The following GALNT2 variants were observed in gnomAD, a reference collection of about 807,000 sequenced individuals.
GALNT2 encodes the protein UDP-GalNAc:polypeptide N-acetylgalactosaminyltransferase 2.
Under a neutral mutation model 81.4 loss-of-function variants are expected in GALNT2, and 31 were observed. The ratio of observed to expected loss-of-function variants is 0.38; its 90% CI spans 0.29 to 0.51. The LOEUF (loss-of-function observed/expected upper bound fraction) is 0.51, where lower values mean the gene tolerates loss of function less well. Among genes scored for constraint, GALNT2 ranks in the 20% least tolerant of loss-of-function variants. The probability of loss-of-function intolerance (pLI) is 0.87; values close to 1 mark genes in which losing one functional copy is unlikely to be tolerated. For synonymous variants in GALNT2, 303 were observed against 287.4 expected (o/e 1.05, Z -0.55); for missense variants, 629 against 765.7 (o/e 0.82, Z 2.11).
At chr1:230,235,814 C>T (rs1264486371) in intron 3 of GALNT2, among the ~76,000 whole-genome samples, 200 bp from the exon 4 acceptor site, 5 of 152,158 alleles carry the variant, frequency 3.3e-5, no homozygotes, top group Admixed American at 2.0e-4. Context: ...TCTCTCAGAA[C>T]GTAACTCCGG....
intron 3 of GALNT2, among the ~76,000 whole-genome samples, chr1:230,224,706 AGT>A (rs1418012789): frequency 4.6e-5 from 7 of 152,102 alleles, no homozygotes; most frequent in Non-Finnish European, 1.0e-4. Context: ...GTGAGCGAAG[AGT>A]GTGTTTTTGG....
chr1:230,199,300 C>T (rs1341139902), intron 2 of GALNT2, among the ~76,000 whole-genome samples: 3 of 152,154 alleles, frequency 2.0e-5, no homozygotes, highest in African/African-American at 7.2e-5. Flanking sequence ...GGCTGGGACG[C>T]GTGTGCCCTC....
At chr1:230,096,246 G>A (rs114470886) in intron 1 of GALNT2, among the ~76,000 whole-genome samples, 5 of 152,322 alleles carry the variant, frequency 3.3e-5, no homozygotes, top group African/African-American at 9.6e-5. Flanking sequence ...CTTTTAAGAC[G>A]ATTCTAGTTA....
At chr1:230,065,061 G>A (rs1046014716), upstream of GALNT2, among the ~76,000 whole-genome samples, 8 of 151,958 alleles carry the variant, frequency 5.3e-5, no homozygotes, top group African/African-American at 1.5e-4. Flanking sequence ...TTATTTTCTG[G>A]GGTTATAGTT....
intron 7 of GALNT2, 73 bp from the exon 8 acceptor site, chr1:230,245,990 A>G: frequency 2.4e-6 from 3 of 1,259,746 alleles, no homozygotes; most frequent in Non-Finnish European, 2.3e-6. Flanking sequence ...GCCTAATACT[A>G]ATGCCTTCTG....
At chr1:230,167,968 C>CA (rs1299156701) in intron 1 of GALNT2, among the ~76,000 whole-genome samples, 3 of 152,112 alleles carry the variant, frequency 2.0e-5, no homozygotes, top group Non-Finnish European at 2.9e-5. Flanking sequence ...AATACCCCCC[C>CA]CTTTTTTTTG....
In GALNT2 at chr1:230,131,609, G is replaced by A. The variant is rs549996203; in HGVS notation, c.127-46609G>A. 1.5e-4 allele frequency among the ~76,000 whole-genome samples: 23 copies of A among 152,208 alleles called. No homozygotes were observed. In the South Asian group the frequency reaches 4.2e-3, roughly 28 times the overall value. On this transcript the variant is annotated intron_variant, in intron 1 of 15. Coordinates refer to ENST00000366672, the MANE Select transcript of GALNT2 (RefSeq NM_004481.5). ...CTTGGCACCCTGCAATTTAAACCTC[G>A]CACTGTCTCGCTGCTATCCTGATGT...
At chr1:230,222,611 G>C (rs1239780349) in intron 3 of GALNT2, among the ~76,000 whole-genome samples, 1 of 151,854 alleles carries the variant, frequency 6.6e-6, no homozygotes, top group African/African-American at 2.4e-5. Context: ...TTTAAACTTA[G>C]GTCATTGGAG....
chr1:230,084,045 G>T (rs533271714), intron 1 of GALNT2, among the ~76,000 whole-genome samples: 1 of 152,190 alleles, frequency 6.6e-6, no homozygotes, highest in Non-Finnish European at 1.5e-5. Context: ...CTCCCCCTTT[G>T]TATGTCACTT....
intron 2 of GALNT2, among the ~76,000 whole-genome samples, chr1:230,186,339 C>T (rs767962611): frequency 2.0e-5 from 3 of 152,134 alleles, no homozygotes; most frequent in Non-Finnish European, 2.9e-5. Flanking sequence ...TCTGACTGGA[C>T]GCATGCATGC....
At chr1:230,223,196 T>C (rs1558147740) in intron 3 of GALNT2, among the ~76,000 whole-genome samples, 1 of 151,282 alleles carries the variant, frequency 6.6e-6, no homozygotes, top group Non-Finnish European at 1.5e-5. Context: ...CTTTTCTTTT[T>C]TTTTTTTTTT....
At chr1:230,207,594 T>C (rs1049675947) in intron 3 of GALNT2, among the ~76,000 whole-genome samples, 2 of 150,162 alleles carry the variant, frequency 1.3e-5, no homozygotes, top group East Asian at 3.9e-4. Flanking sequence ...GCCCATCTTA[T>C]TTTTTTTTTC....
chr1:230,142,680 T>C (rs373182346), intron 1 of GALNT2, among the ~76,000 whole-genome samples: 1 of 151,652 alleles, frequency 6.6e-6, no homozygotes, highest in Non-Finnish European at 1.5e-5. Flanking sequence ...AAGTCTAAAG[T>C]GTAACTTTCC....
In GALNT2 at chr1:230,071,680, A is replaced by G. The variant is rs190997253; in HGVS notation, c.126+4274A>G. Among the ~76,000 whole-genome samples, 547 of 152,258 alleles carry G rather than the reference A, an allele frequency of 3.6e-3. 3 individuals carry two copies. Among genetic ancestry groups the G allele is most frequent in the African/African-American group, 0.012 (518 of 41,564 alleles). On this transcript the variant is annotated intron_variant, in intron 1 of 15. Transcript: ENST00000366672. ...ACACCCATACCACTCCTTGCCACCT[A>G]TCATCAGTTTGGAGTTTAAAGAAAG...
chr1:230,242,797 A>G (rs923230503), intron 6 of GALNT2, among the ~76,000 whole-genome samples: 2 of 152,222 alleles, frequency 1.3e-5, no homozygotes, highest in African/African-American at 2.4e-5. Flanking sequence ...AGTATAACTA[A>G]TTTTGTGTAA....
Position 230,179,120 on chromosome 1 carries a change from A to C in GALNT2, c.220+809A>C, listed in dbSNP as rs539219208. Among the ~76,000 whole-genome samples, 22 of 151,338 alleles carry C rather than the reference A, an allele frequency of 1.5e-4. No homozygotes were observed. The South Asian group carries it at 4.2e-3, about 29-fold the overall frequency. On this transcript the variant is annotated intron_variant, in intron 2 of 15. Transcript: ENST00000366672. ...TTTAATATATATTTAAGGTTCCTCC[A>C]TGTCTTTTCATGGCTGGATAGCTCA...
chr1:230,074,816 A>G (rs1204790239), intron 1 of GALNT2, among the ~76,000 whole-genome samples: 5 of 152,188 alleles, frequency 3.3e-5, no homozygotes, highest in Non-Finnish European at 5.9e-5. Flanking sequence ...GATGAAACTG[A>G]AGCACAGAAA....
At position 230,070,406 on chromosome 1, in the gene GALNT2, GA is replaced by G. The variant is rs1659337316; in HGVS notation, c.126+3001del. On this transcript the variant is annotated intron_variant, in intron 1 of 15. Coordinates refer to ENST00000366672, the MANE Select transcript of GALNT2 (RefSeq NM_004481.5). This position sits in a 1 kb window ranked among gnomAD's most constrained non-coding sequence, Gnocchi z 4.7. ...GATGGAGCCGCAGAAGAGAGGAAGG[GA>G]TTTCTCTGGAAATGAAGCTGCCTGT... is the stretch of plus-strand genomic sequence containing the variant. 6.6e-6 allele frequency among the ~76,000 whole-genome samples: 1 copy of G among 152,180 alleles called. No individual in the cohort carries two copies. Among genetic ancestry groups the G allele is most frequent in the African/African-American group, 2.4e-5 (1 of 41,432 alleles).
intron 1 of GALNT2, among the ~76,000 whole-genome samples, chr1:230,176,958 C>T (rs652108): frequency 0.23 from 34,873 of 152,062 alleles, 4,850 homozygotes; most frequent in East Asian, 0.38. Context: ...GCTACAGTTC[C>T]TCCCTTCCTG....
Sources: gnomAD v4.1 joint callset for allele counts (sites outside exome capture counted in the v4.1 genomes callset) on GRCh38, gnomAD v4.1.1 for gene constraint, Gnocchi (gnomAD v3.1) non-coding constraint, MANE v1.5 for transcripts, NCBI Gene and HGNC (gene_info 2026-07-23, HGNC 2026-07-21) for gene names.